The following GMDS variants were observed in gnomAD, a reference collection of about 807,000 sequenced individuals.
The protein encoded by GMDS is GDP-mannose 4,6-dehydratase.
A neutral mutation model predicts 49.9 loss-of-function variants in GMDS; 20 were observed. The ratio of observed to expected loss-of-function variants is 0.40; its 90% CI spans 0.28 to 0.58. The LOEUF is 0.58. GMDS is among the 20% of genes least tolerant of loss of function. The pLI is 0.42. For synonymous variants in GMDS, 177 were observed against 178.6 expected (o/e 0.99, Z 0.07); for missense variants, 362 against 481.4 (o/e 0.75, Z 2.32).
Position 1,635,090 on chromosome 6 carries a change from C to T in GMDS, c.988-10550G>A, listed in dbSNP as rs894913752. ...GCATTACGTGTCATCTCCTTTTTCACGATTTCAAGATTAGAGAACAGGGAC... is the reference window on the plus strand; with the variant it reads ...GCATTACGTGTCATCTCCTTTTTCATGATTTCAAGATTAGAGAACAGGGAC... On this transcript the variant is annotated intron_variant, in intron 9 of 10. Coordinates refer to ENST00000380815, the MANE Select transcript of GMDS (RefSeq NM_001500.4). The surrounding 1 kb of genome is among the most constrained non-coding windows in gnomAD (Gnocchi z 4.7). Among the ~76,000 whole-genome samples, 5 of 152,194 alleles carry T rather than the reference C, an allele frequency of 3.3e-5. No individual in the cohort carries two copies. Among genetic ancestry groups the T allele is most frequent in the East Asian group, 1.9e-4 (1 of 5,200 alleles).
intron 9 of GMDS, among the ~76,000 whole-genome samples, chr6:1,657,243 C>T (rs1363509114): frequency 2.0e-5 from 3 of 152,210 alleles, no homozygotes; most frequent in Non-Finnish European, 2.9e-5. Flanking sequence ...GTTTCAAGGA[C>T]ATTCTTCCCC....
rs1469056981 is a variant in GMDS at position 2,171,311 on chromosome 6, T to C, written c.103-46580A>G. Among the ~76,000 whole-genome samples the C allele has an allele frequency of 3.3e-5, 5 of 152,192 alleles. 1 individual carries two copies. Among genetic ancestry groups the C allele is most frequent in the African/African-American group, 4.8e-5 (2 of 41,452 alleles). ...AGGACAGAGACAGAATGTAAGTAAT[T>C]TGTTTAACATTTTCTTGGCCCATTC... On this transcript the variant is annotated intron_variant, in intron 1 of 10. Transcript: ENST00000380815.
chr6:1,787,602 C>T lies in GMDS; in HGVS notation c.772-45016G>A, dbSNP rs544426936. On this transcript the variant is annotated intron_variant, in intron 7 of 10. Transcript: ENST00000380815. ...ACAACAAAATTAATATGCAAAGTCT[C>T]TTCATCTAAATACATGAAAAAGGAG... Among the ~76,000 whole-genome samples, 21 of 152,294 alleles carry T rather than the reference C, an allele frequency of 1.4e-4. No homozygotes were observed. In the South Asian group the frequency reaches 3.9e-3, roughly 29 times the overall value.
chr6:2,053,662 A>C (rs923741635), intron 4 of GMDS, among the ~76,000 whole-genome samples: 1 of 152,146 alleles, frequency 6.6e-6, no homozygotes, highest in African/African-American at 2.4e-5. Flanking sequence ...CTAATAAGGT[A>C]CTTATTCAAC....
intron 4 of GMDS, among the ~76,000 whole-genome samples, chr6:1,988,355 T>TAA (rs5873826): frequency 6.7e-6 from 1 of 149,914 alleles, no homozygotes; most frequent in Non-Finnish European, 1.5e-5. Flanking sequence ...ATATACAAGT[T>TAA]AAAAAAAAAA....
chr6:1,651,148 C>A (rs1326238525), intron 9 of GMDS, among the ~76,000 whole-genome samples: 1 of 152,168 alleles, frequency 6.6e-6, no homozygotes, highest in Non-Finnish European at 1.5e-5. Flanking sequence ...CCATGCTGGG[C>A]CGCAGCTCCA....
intron 4 of GMDS, among the ~76,000 whole-genome samples, chr6:2,000,107 T>C (rs1207452070): frequency 8.2e-6 from 1 of 122,318 alleles, no homozygotes; most frequent in Non-Finnish European, 1.7e-5. Flanking sequence ...TGATCTCAGC[T>C]CACTGCAAGC....
chr6:1,920,633 T>C (rs535551134), intron 7 of GMDS, among the ~76,000 whole-genome samples: 1 of 152,342 alleles, frequency 6.6e-6, no homozygotes, highest in South Asian at 2.1e-4. Context: ...GTGAGAGATA[T>C]TTACATCTAT....
chr6:2,052,010 G>A (rs1770429337), intron 4 of GMDS, among the ~76,000 whole-genome samples: 1 of 151,478 alleles, frequency 6.6e-6, no homozygotes, highest in Non-Finnish European at 1.5e-5. Flanking sequence ...CCAGCTACAT[G>A]GGAGGCTGAG....
intron 1 of GMDS, among the ~76,000 whole-genome samples, chr6:2,218,782 C>T (rs1780451500): frequency 6.6e-6 from 1 of 152,144 alleles, no homozygotes. Flanking sequence ...GTGCCAACAA[C>T]CCTGAAATTA....
At chr6:1,750,034 T>C (rs1767660169) in intron 7 of GMDS, among the ~76,000 whole-genome samples, 1 of 152,138 alleles carries the variant, frequency 6.6e-6, no homozygotes. Context: ...ATACTAAAAA[T>C]GTATGTATGG....
At chr6:1,802,502 C>T (rs1011668736) in intron 7 of GMDS, among the ~76,000 whole-genome samples, 1 of 152,150 alleles carries the variant, frequency 6.6e-6, no homozygotes, top group Admixed American at 6.6e-5. Context: ...TATCCTCAGC[C>T]CAACATAATT....
intron 7 of GMDS, among the ~76,000 whole-genome samples, chr6:1,743,125 A>G (rs768229869): frequency 6.6e-6 from 1 of 152,242 alleles, no homozygotes; most frequent in Non-Finnish European, 1.5e-5. Context: ...GCGAATCATT[A>G]ATGGAAAAAC....
At chr6:1,708,327 C>G (rs554025657) in intron 9 of GMDS, among the ~76,000 whole-genome samples, 1 of 152,200 alleles carries the variant, frequency 6.6e-6, no homozygotes, top group Non-Finnish European at 1.5e-5. Flanking sequence ...CAGCAGGCAG[C>G]GAAGCGTGTT....
At chr6:1,683,072 C>T (rs1581453066) in intron 9 of GMDS, among the ~76,000 whole-genome samples, 1 of 152,208 alleles carries the variant, frequency 6.6e-6, no homozygotes, top group Non-Finnish European at 1.5e-5. Flanking sequence ...CATCCTGTCT[C>T]TTTGGGACTG....
intron 4 of GMDS, among the ~76,000 whole-genome samples, chr6:1,976,139 G>C (rs1764886229): frequency 6.6e-6 from 1 of 152,192 alleles, no homozygotes; most frequent in Admixed American, 6.5e-5. Flanking sequence ...AAAGAATATG[G>C]ATAGAGATCA....
intron 7 of GMDS, among the ~76,000 whole-genome samples, chr6:1,890,550 C>T (rs1759822374): frequency 1.3e-5 from 2 of 152,016 alleles, no homozygotes; most frequent in South Asian, 2.1e-4. Flanking sequence ...TGATGGTGTG[C>T]TATCAGAACA....
intron 7 of GMDS, among the ~76,000 whole-genome samples, chr6:1,909,785 C>A (rs987935589): frequency 6.6e-6 from 1 of 152,292 alleles, no homozygotes; most frequent in East Asian, 1.9e-4. Flanking sequence ...ATGATCACCA[C>A]AATGAAAGTG....
intron 9 of GMDS, among the ~76,000 whole-genome samples, chr6:1,721,264 G>A (rs1766376206): frequency 1.3e-5 from 2 of 152,166 alleles, no homozygotes; most frequent in Non-Finnish European, 2.9e-5. Flanking sequence ...CGGGAGGAAG[G>A]TGTTGTTTTA....
Sources: allele counts gnomAD v4.1 joint callset (sites outside exome capture counted in the v4.1 genomes callset), GRCh38; gene constraint gnomAD v4.1.1; non-coding constraint Gnocchi (gnomAD v3.1); transcripts MANE v1.5; gene names NCBI Gene and HGNC (gene_info 2026-07-23, HGNC 2026-07-21).